The following TMEM117 variants were observed in gnomAD, a reference collection of about 807,000 sequenced individuals.
TMEM117 encodes transmembrane protein 117.
TMEM117 carries 27 observed loss-of-function variants against 52.4 expected under a neutral mutation model. That is an observed-to-expected ratio of 0.51 (90% confidence interval 0.38 to 0.71). TMEM117 has a LOEUF of 0.71. Ranked by LOEUF, TMEM117 falls within the 30% of genes least tolerant of loss-of-function variation. TMEM117 has a pLI of 0.00. For missense variants in TMEM117, 556 were observed against 630.5 expected (o/e 0.88, Z 1.26); for synonymous variants, 215 against 206.3 (o/e 1.04, Z -0.36).
At chr12:44,226,220 C>T (rs1455127942) in intron 5 of TMEM117, among the ~76,000 whole-genome samples, 1 of 152,132 alleles carries the variant, frequency 6.6e-6, no homozygotes, top group Non-Finnish European at 1.5e-5. Context: ...TCTTCTTGCA[C>T]CTGTTTCACA....
intron 6 of TMEM117, 80 bp from the exon 7 acceptor site, chr12:44,376,515 T>C: frequency 1.3e-6 from 2 of 1,543,656 alleles, no homozygotes; most frequent in Non-Finnish European, 1.8e-6. Context: ...AATAAGTGCT[T>C]ATAAAAAGTC....
rs774784025 is a variant in TMEM117 at position 44,299,604 on chromosome 12, T to C, written c.633T>C (p.Ser211=). 1 of 1,614,232 alleles carries C rather than the reference T, an allele frequency of 6.2e-7. No homozygotes were observed. The highest frequency in any genetic ancestry group is 1.1e-5 in the South Asian group (1 of 91,090). ...GGACAGTTCTTTTTACTCTGACGTC[T>C]GTGGTTGTACTTGTGATTACAACGG... is the stretch of plus-strand genomic sequence containing the variant. The part of the protein sequence containing the change: ...LFWTVLFTLT[S]VVVLVITTDW... The change falls in exon 6 of 8, where the codon TCT becomes TCC. Residue 211 remains serine, a synonymous_variant. Transcript: ENST00000266534.
At chr12:43,877,763 C>T (rs1056606477) in intron 2 of TMEM117, among the ~76,000 whole-genome samples, 9 of 151,878 alleles carry the variant, frequency 5.9e-5, no homozygotes, top group Non-Finnish European at 1.0e-4. Context: ...GTGGATCATT[C>T]ATGTTACATA....
chr12:44,277,773 T>TTA (rs1299431762), intron 5 of TMEM117, among the ~76,000 whole-genome samples: 2 of 148,260 alleles, frequency 1.3e-5, no homozygotes, highest in African/African-American at 5.0e-5. Context: ...TTTTTTTTTT[T>TTA]TTTTTTTTTT....
chr12:44,072,862 T>G (rs1947323192), intron 3 of TMEM117, among the ~76,000 whole-genome samples: 1 of 152,040 alleles, frequency 6.6e-6, no homozygotes, highest in South Asian at 2.1e-4. Flanking sequence ...GAGGCCGAGG[T>G]GGGCGGATCA....
At chr12:44,119,346 G>T (rs955433199) in intron 3 of TMEM117, among the ~76,000 whole-genome samples, 2 of 152,188 alleles carry the variant, frequency 1.3e-5, no homozygotes, top group African/African-American at 4.8e-5. Flanking sequence ...GCACAATCTA[G>T]ATACCTCTTG....
At chr12:44,357,550 A>C (rs1951667172) in intron 6 of TMEM117, among the ~76,000 whole-genome samples, 1 of 152,098 alleles carries the variant, frequency 6.6e-6, no homozygotes, top group Admixed American at 6.6e-5. Flanking sequence ...TCTAAGTGTC[A>C]GAACTTTTAA....
the TMEM117 span, among the ~76,000 whole-genome samples, chr12:43,818,665 G>A: frequency 1.3e-5 from 2 of 152,000 alleles, no homozygotes; most frequent in African/African-American, 4.8e-5. Context: ...GGATGGTCTC[G>A]ATCTCTTGAC....
chr12:44,118,805 C>A (rs1948187795), intron 3 of TMEM117, among the ~76,000 whole-genome samples: 1 of 152,122 alleles, frequency 6.6e-6, no homozygotes, highest in African/African-American at 2.4e-5. Flanking sequence ...TTTTTTATAA[C>A]ACCATTTAAT....
chr12:43,952,211 C>T (rs976352720), intron 3 of TMEM117, among the ~76,000 whole-genome samples: 8 of 152,064 alleles, frequency 5.3e-5, no homozygotes, highest in Non-Finnish European at 7.4e-5. Context: ...CTGAAAATCC[C>T]GGAAGCCGGA....
intron 5 of TMEM117, among the ~76,000 whole-genome samples, chr12:44,296,551 G>T (rs1592674004): frequency 6.6e-6 from 1 of 152,168 alleles, no homozygotes; most frequent in African/African-American, 2.4e-5. Flanking sequence ...TTCCTATAAA[G>T]TCCCTTGGTG....
At chr12:44,055,492 C>T (rs140216971) in intron 3 of TMEM117, among the ~76,000 whole-genome samples, 1 of 152,174 alleles carries the variant, frequency 6.6e-6, no homozygotes, top group East Asian at 1.9e-4. Flanking sequence ...CAAAAATCAA[C>T]CTTAGGAAAA....
At chr12:44,269,983 T>C (rs1950426885) in intron 5 of TMEM117, among the ~76,000 whole-genome samples, 1 of 152,122 alleles carries the variant, frequency 6.6e-6, no homozygotes, top group Admixed American at 6.6e-5. Context: ...GGAATACCTG[T>C]GAAACGACCT....
At chr12:44,267,318 A>T (rs909976153) in intron 5 of TMEM117, among the ~76,000 whole-genome samples, 1 of 151,986 alleles carries the variant, frequency 6.6e-6, no homozygotes. Flanking sequence ...TAGATTGTTC[A>T]TTACTAGTGT....
chr12:44,050,389 C>A (rs926027134), intron 3 of TMEM117, among the ~76,000 whole-genome samples: 1 of 152,234 alleles, frequency 6.6e-6, no homozygotes, highest in Non-Finnish European at 1.5e-5. Context: ...GCTGGCCAGG[C>A]TGGTCTCGAA....
At chr12:43,961,265 T>C (rs1352966538) in intron 3 of TMEM117, among the ~76,000 whole-genome samples, 1 of 95,932 alleles carries the variant, frequency 1.0e-5, no homozygotes, top group African/African-American at 2.6e-5. Context: ...TAAATATTAA[T>C]TGCTGTAATT....
chr12:44,196,133 A>G (rs1272247747), intron 4 of TMEM117, among the ~76,000 whole-genome samples: 4 of 152,052 alleles, frequency 2.6e-5, no homozygotes, highest in Non-Finnish European at 5.9e-5. Flanking sequence ...GAATATGCTA[A>G]TTGTTAAATC....
chr12:44,197,915 G>T lies in TMEM117; in HGVS notation c.511-13375G>T, dbSNP rs530360980. 7.9e-5 allele frequency among the ~76,000 whole-genome samples: 12 copies of T among 152,292 alleles called. No homozygotes were observed. The South Asian group carries it at 2.5e-3, about 32-fold the overall frequency. On this transcript the variant is annotated intron_variant, in intron 4 of 7. Coordinates refer to ENST00000266534, the MANE Select transcript of TMEM117 (RefSeq NM_032256.3). ...AGATGCATTAATATTCATGCATTAT[G>T]AAACCCTGGTTGTGCCTCTAAAAAG... is the stretch of plus-strand genomic sequence containing the variant.
At chr12:44,123,946 A>G (rs906885504) in intron 3 of TMEM117, among the ~76,000 whole-genome samples, 7 of 152,104 alleles carry the variant, frequency 4.6e-5, no homozygotes, top group Non-Finnish European at 1.0e-4. Flanking sequence ...AATAATGTCA[A>G]TGGTAATTTA....
Sources: allele counts gnomAD v4.1 joint callset (sites outside exome capture counted in the v4.1 genomes callset), GRCh38; gene constraint gnomAD v4.1.1; transcripts MANE v1.5; gene names NCBI Gene and HGNC (gene_info 2026-07-23, HGNC 2026-07-21).